Variants in ZFP91 observed in about 807,000 individuals in gnomAD.
The protein encoded by ZFP91 is ZFP91 zinc finger protein, atypical E3 ubiquitin ligase, also known as E3 ubiquitin-protein ligase ZFP91.
In ZFP91, 7 loss-of-function variants were observed where a neutral mutation model predicts 63.5. The observed-to-expected ratio is 0.11, with a 90% CI of 0.06 to 0.21. The LOEUF (loss-of-function observed/expected upper bound fraction) is 0.21. ZFP91 is among the 10% of genes least tolerant of loss of function. The pLI is 1.00. For synonymous variants in ZFP91, 330 were observed against 272.1 expected, an observed-to-expected ratio of 1.21 and a Z score of -2.10; for missense variants, 628 against 736.6, an observed-to-expected ratio of 0.85 and a Z score of 1.71.
chr11:58,581,094 T>G (rs1565213960), intron 1 of ZFP91, among the ~76,000 whole-genome samples: 2 of 152,220 alleles, frequency 1.3e-5, no homozygotes. Context: ...GTGTGTAAAG[T>G]GCTAGACACA....
rs1271928179 is a variant in ZFP91 at position 58,621,378 on chromosome 11, T to C, written c.*3672T>C. Among the ~76,000 whole-genome samples the C allele has an allele frequency of 6.6e-6, 1 of 152,246 alleles. No individual in the cohort carries two copies. The highest frequency in any genetic ancestry group is 2.4e-5 in the African/African-American group (1 of 41,458). Reference sequence around the variant, plus strand: ...ATGACAAAACCTTGATAGCATTTAATATTAATACTTCTTCTCAAAATTGAA... The same window carrying C: ...ATGACAAAACCTTGATAGCATTTAACATTAATACTTCTTCTCAAAATTGAA... On this transcript the variant is annotated 3_prime_UTR_variant, in exon 11 of 11. Coordinates refer to ENST00000316059, the MANE Select transcript of ZFP91 (RefSeq NM_053023.5).
chr11:58,581,230 T>G (rs766708732), intron 1 of ZFP91, among the ~76,000 whole-genome samples: 1 of 98,034 alleles, frequency 1.0e-5, no homozygotes, highest in African/African-American at 3.2e-5. Context: ...CACTCTTTAA[T>G]ATTACTATTC....
intron 2 of ZFP91, among the ~76,000 whole-genome samples, chr11:58,594,352 A>C (rs1477289845): frequency 1.3e-5 from 2 of 152,288 alleles, no homozygotes; most frequent in Admixed American, 1.3e-4. Context: ...ATATTTATTT[A>C]AACTTAAATG....
rs11426880 is a variant in ZFP91, at chr11:58,618,576, ATT to A, written c.*881_*882del. 1.6e-4 allele frequency: 58 copies of A among 362,358 alleles called. No individual in the cohort carries two copies. The highest frequency in any genetic ancestry group is 3.8e-4 in the Middle Eastern group (1 of 2,630). The allele number at this position is 362,358 out of a possible 1,614,324, so 22.4% of individuals were successfully genotyped here. A position where few individuals can be genotyped will look rare whatever the true frequency, so the allele number is the denominator to read the frequency against. ...TCCTTATTTATTAACAGGAAGTCTG[ATT>A]TTTTTTTTTTGGAGTCTTTGTTGCT... On this transcript the variant is annotated 3_prime_UTR_variant, in exon 11 of 11. Coordinates refer to ENST00000316059, the MANE Select transcript of ZFP91 (RefSeq NM_053023.5).
chr11:58,579,490 G>A lies in ZFP91; in HGVS notation c.209G>A (p.Arg70His). 1 of 1,516,738 alleles carries A rather than the reference G, an allele frequency of 6.6e-7. No homozygotes were observed. Among genetic ancestry groups the A allele is most frequent in the Non-Finnish European group, 8.8e-7 (1 of 1,137,482 alleles). The allele number at this position is 1,516,738 out of a possible 1,614,324, so 94.0% of individuals were successfully genotyped here. A position where few individuals can be genotyped will look rare whatever the true frequency, so the allele number is the denominator to read the frequency against. Residue 70 changes from arginine (R) to histidine (H), a missense_variant, in exon 1 of 11, where the codon CGC becomes CAC. Physicochemically the swap from Arg to His is conservative, Grantham distance 29. Transcript: ENST00000316059. ...AAAAAAAAVSRRRKAEYPRRR... is the reference protein window; with the variant it reads ...AAAAAAAAVSHRRKAEYPRRR... ...GCCGCCGCCGCCGCAGCTGTGTCCC[G>A]CCGGAGGAAGGCCGAGTATCCCCGC...
chr11:58,613,172 T>C (rs1394043692), intron 8 of ZFP91, among the ~76,000 whole-genome samples: 1 of 152,152 alleles, frequency 6.6e-6, no homozygotes, highest in African/African-American at 2.4e-5. Flanking sequence ...TGAGACTGGG[T>C]AATTTACAAA....
chr11:58,608,553 G>A (rs961656849), intron 2 of ZFP91, among the ~76,000 whole-genome samples: 6 of 152,108 alleles, frequency 3.9e-5, no homozygotes, highest in African/African-American at 1.2e-4. Flanking sequence ...TCATGCTATC[G>A]TTTTCATTTG....
At chr11:58,612,928 A>G in intron 8 of ZFP91, 88 bp downstream of exon 8, 2 of 1,160,136 alleles carry the variant, frequency 1.7e-6, no homozygotes, top group Non-Finnish European at 2.5e-6. Context: ...TGGCTTGTGT[A>G]GGCTTTATCA....
intron 2 of ZFP91, among the ~76,000 whole-genome samples, chr11:58,597,602 C>T (rs1254155883): frequency 8.5e-5 from 13 of 152,124 alleles, no homozygotes; most frequent in Non-Finnish European, 1.5e-5. Context: ...AATGAGTTTA[C>T]TTAGAGTCTG....
chr11:58,579,831 C>T (rs1444050081), intron 1 of ZFP91, among the ~76,000 whole-genome samples: 1 of 152,100 alleles, frequency 6.6e-6, no homozygotes, highest in Admixed American at 6.5e-5. Flanking sequence ...GCTTGTCGGG[C>T]CGTTTCCCCA....
Position 58,617,663 on chromosome 11 carries a change from C to T in ZFP91, c.1670C>T (p.Thr557Ile), listed in dbSNP as rs1032526566. ...LVMNSDILGA[T>I]TEVLIEDSDS... ...ATGAACTCAGATATACTCGGTGCTA[C>T]CACAGAGGTTCTGATTGAAGATTCA... is the stretch of plus-strand genomic sequence containing the variant. Residue 557 changes from threonine (T) to isoleucine (I), a missense_variant, in exon 11 of 11, where the codon ACC becomes ATC. Physicochemically the swap from Thr to Ile is moderately conservative, Grantham distance 89. Transcript: ENST00000316059. The surrounding 1 kb of genome is among the most constrained non-coding windows in gnomAD (Gnocchi z 4.2). 1 of 1,534,604 alleles carries T rather than the reference C, an allele frequency of 6.5e-7. No individual in the cohort carries two copies. The highest frequency in any genetic ancestry group is 1.4e-5 in the African/African-American group (1 of 72,428).
At chr11:58,587,532 A>C (rs1265422313) in intron 2 of ZFP91, among the ~76,000 whole-genome samples, 1 of 152,200 alleles carries the variant, frequency 6.6e-6, no homozygotes, top group Non-Finnish European at 1.5e-5. Context: ...AGCTTAGTTT[A>C]CCACTGGCAG....
intron 2 of ZFP91, among the ~76,000 whole-genome samples, chr11:58,603,879 G>A (rs1026588872): frequency 6.6e-6 from 1 of 152,128 alleles, no homozygotes; most frequent in South Asian, 2.1e-4. Context: ...TTTGGAATCA[G>A]CTCCACAGAT....
chr11:58,611,070 T>C lies in ZFP91; in HGVS notation c.722+16T>C, dbSNP rs765925242. ...ACTTAGAAAGGCATGTCTCAGATTT[T>C]ACTGCAGACATGTTAATGAAATATA... On this transcript the variant is annotated intron_variant, in intron 5 of 10. Coordinates refer to ENST00000316059, the MANE Select transcript of ZFP91 (RefSeq NM_053023.5). 1 of 1,605,132 alleles carries C rather than the reference T, an allele frequency of 6.2e-7. No homozygotes were observed. Among genetic ancestry groups the C allele is most frequent in the South Asian group, 1.1e-5 (1 of 90,624 alleles).
intron 1 of ZFP91, among the ~76,000 whole-genome samples, chr11:58,582,773 A>G (rs1353925729): frequency 6.6e-6 from 1 of 152,176 alleles, no homozygotes; most frequent in African/African-American, 2.4e-5. Context: ...TACAGTTTTT[A>G]TAATCTGATG....
rs1590632636 is a variant in ZFP91 at position 58,617,906 on chromosome 11, A to G, written c.*200A>G. 3 of 609,598 alleles carry G rather than the reference A, an allele frequency of 4.9e-6. No homozygotes were observed. The East Asian group carries it at 1.1e-4, about 22-fold the overall frequency. 37.8% of individuals were successfully genotyped at this position (609,598 alleles called of 1,614,324 possible). A position where few individuals can be genotyped will look rare whatever the true frequency, so the allele number is the denominator to read the frequency against. ...CTCCCTCTGTTGCTCCCCTTATAAA[A>G]TTGATGTTGTCTTTACCAGAAAGGT... On this transcript the variant is annotated 3_prime_UTR_variant, in exon 11 of 11. Coordinates refer to ENST00000316059, the MANE Select transcript of ZFP91 (RefSeq NM_053023.5). This position sits in a 1 kb window ranked among gnomAD's most constrained non-coding sequence, Gnocchi z 4.2.
At chr11:58,610,777 A>G (rs1301123734) in intron 4 of ZFP91, among the ~76,000 whole-genome samples, 173 bp from the exon 5 acceptor site, 4 of 152,238 alleles carry the variant, frequency 2.6e-5, no homozygotes, top group South Asian at 2.1e-4. Context: ...TTTAGTTTCA[A>G]TTATTATTCT....
chr11:58,583,473 G>T (rs1379619599), intron 1 of ZFP91, among the ~76,000 whole-genome samples: 1 of 151,958 alleles, frequency 6.6e-6, no homozygotes, highest in East Asian at 1.9e-4. Flanking sequence ...GAAGGTCATG[G>T]ATAGTGAGGA....
intron 2 of ZFP91, among the ~76,000 whole-genome samples, chr11:58,607,313 A>G (rs1236249745): frequency 6.6e-6 from 1 of 152,212 alleles, no homozygotes; most frequent in African/African-American, 2.4e-5. Flanking sequence ...TATTAATCTC[A>G]AAATATGATT....
Sources: allele counts gnomAD v4.1 joint callset (sites outside exome capture counted in the v4.1 genomes callset), GRCh38; gene constraint gnomAD v4.1.1; non-coding constraint Gnocchi (gnomAD v3.1); transcripts MANE v1.5; gene names NCBI Gene and HGNC (gene_info 2026-07-23, HGNC 2026-07-21).